Variants in TMEM204 observed in about 807,000 individuals in gnomAD.
The protein encoded by TMEM204 is transmembrane protein 204.
TMEM204 carries 15 observed loss-of-function variants against 19.4 expected under a neutral mutation model. The observed-to-expected ratio is 0.77, with a 90% CI of 0.52 to 1.19. TMEM204 has a LOEUF of 1.19. Among genes scored for constraint, TMEM204 ranks in the 50% most tolerant of loss-of-function variants. TMEM204 has a pLI of 0.00. For missense variants in TMEM204, 287 were observed against 321.2 expected, an observed-to-expected ratio of 0.89 and a Z score of 0.81; for synonymous variants, 161 against 146.0, an observed-to-expected ratio of 1.10 and a Z score of -0.74.
chr16:1,533,058 G>T (rs4787283), upstream of TMEM204: 4,684 of 152,562 alleles, frequency 0.031, 117 homozygotes, highest in Admixed American at 0.069. This position sits in a 1 kb window ranked among gnomAD's most constrained non-coding sequence, Gnocchi z 4.7. Flanking sequence ...GGTCCTCCAA[G>T]TACAGGTCCC....
chr16:1,542,850 G>A lies in TMEM204; in HGVS notation c.436+774G>A, dbSNP rs3784829. On this transcript the variant is annotated intron_variant, in intron 2 of 2. Coordinates refer to ENST00000566264, the MANE Select transcript of TMEM204 (RefSeq NM_024600.6). ...TTGGTGCTCAGAGCCTCCTCTCAAC[G>A]CTCTAGACCCAGCAACCTGGGACAG... 1.8e-4 allele frequency among the ~76,000 whole-genome samples: 27 copies of A among 152,376 alleles called. No individual in the cohort carries two copies. The East Asian group carries it at 4.8e-3, about 27-fold the overall frequency.
intron 2 of TMEM204, 124 bp from the exon 3 acceptor site, chr16:1,554,656 GCT>G: frequency 7.2e-7 from 1 of 1,395,650 alleles, no homozygotes; most frequent in Non-Finnish European, 9.7e-7. Context: ...GCTGGAACCC[GCT>G]CTAGGACAGA....
upstream of TMEM204, chr16:1,531,003 C>G (rs1222041231): frequency 6.6e-6 from 1 of 152,232 alleles, no homozygotes; most frequent in African/African-American, 2.4e-5. The surrounding 1 kb of genome is among the most constrained non-coding windows in gnomAD (Gnocchi z 4.7). Flanking sequence ...CCAGAAGCGT[C>G]CAGACCCAGG....
At position 1,555,461 on chromosome 16, in the gene TMEM204, T is replaced by C. The variant is rs953925456; in HGVS notation, c.*435T>C. 1 of 182,276 alleles carries C rather than the reference T, an allele frequency of 5.5e-6. No homozygotes were observed. The highest frequency in any genetic ancestry group is 1.2e-5 in the Non-Finnish European group (1 of 86,610). The allele number at this position is 182,276 out of a possible 1,614,324, so 11.3% of individuals were successfully genotyped here. On this transcript the variant is annotated 3_prime_UTR_variant, in exon 3 of 3. Transcript: ENST00000566264. ...TTCTTAAAATATCCACAATATTCCT[T>C]GAGTGAGTCAGAATCTATAGCCGGT...
At chr16:1,529,010 T>C (rs2064291), upstream of TMEM204, among the ~76,000 whole-genome samples, 30,083 of 151,960 alleles carry the variant, frequency 0.2, 3,743 homozygotes, top group African/African-American at 0.34. Flanking sequence ...GCAGGCTCGG[T>C]GCACTTGTGT....
chr16:1,543,214 G>A (rs544224774), intron 2 of TMEM204, among the ~76,000 whole-genome samples: 9 of 152,384 alleles, frequency 5.9e-5, no homozygotes, highest in African/African-American at 1.7e-4. Context: ...CCTCGAGGCC[G>A]GTGCAGCGTT....
chr16:1,535,670 C>A (rs1031005166), intron 1 of TMEM204, among the ~76,000 whole-genome samples: 3 of 152,210 alleles, frequency 2.0e-5, no homozygotes, highest in Non-Finnish European at 4.4e-5. Flanking sequence ...ACTTCACAGG[C>A]AAAGAAACTG....
At chr16:1,548,417 C>A (rs910931887) in intron 2 of TMEM204, among the ~76,000 whole-genome samples, 1 of 152,342 alleles carries the variant, frequency 6.6e-6, no homozygotes, top group East Asian at 1.9e-4. Flanking sequence ...GCTGGCTGGG[C>A]TGCAGAGCTG....
intron 2 of TMEM204, among the ~76,000 whole-genome samples, chr16:1,549,155 C>T (rs943376060): frequency 2.0e-5 from 3 of 152,244 alleles, no homozygotes; most frequent in Non-Finnish European, 4.4e-5. Context: ...CGTCCGAGGG[C>T]GCTGTCCTAA....
rs546701582 is a variant in TMEM204 at position 1,553,342 on chromosome 16, C to T, written c.437-1440C>T. On this transcript the variant is annotated intron_variant, in intron 2 of 2. Coordinates refer to ENST00000566264, the MANE Select transcript of TMEM204 (RefSeq NM_024600.6). This position sits in a 1 kb window ranked among gnomAD's most constrained non-coding sequence, Gnocchi z 4.4. ...TGTCTCTGTCCCTGTGTCTCTTTTT[C>T]TCCCATCCTCTCTCGATGCTGGGGC... 1.0e-6 allele frequency: 1 copy of T among 985,406 alleles called. No homozygotes were observed. Among genetic ancestry groups the T allele is most frequent in the Admixed American group, 6.1e-5 (1 of 16,284 alleles). The allele number at this position is 985,406 out of a possible 1,614,324, so 61.0% of individuals were successfully genotyped here.
At chr16:1,539,451 C>T (rs1427199919) in intron 1 of TMEM204, among the ~76,000 whole-genome samples, 1 of 152,272 alleles carries the variant, frequency 6.6e-6, no homozygotes, top group Non-Finnish European at 1.5e-5. Context: ...GCCCCTTCCT[C>T]CAAGCACTCT....
rs1432237870 is a variant in TMEM204, at chr16:1,553,794, G to A, written c.437-988G>A. The A allele has an allele frequency of 1.7e-6, 2 of 1,197,674 alleles. No individual in the cohort carries two copies. Among genetic ancestry groups the A allele is most frequent in the African/African-American group, 3.2e-5 (2 of 62,714 alleles). The allele number at this position is 1,197,674 out of a possible 1,614,324, so 74.2% of individuals were successfully genotyped here. On this transcript the variant is annotated intron_variant, in intron 2 of 2. Coordinates refer to ENST00000566264, the MANE Select transcript of TMEM204 (RefSeq NM_024600.6). The surrounding 1 kb of genome is among the most constrained non-coding windows in gnomAD (Gnocchi z 4.4). ...TGGACAGCCTCTCCTCCATCCTAGA[G>A]CCTATGTTTCCAGCTGGATTAGGAC... is the stretch of plus-strand genomic sequence containing the variant.
chr16:1,528,716 G>A (rs2030099895), upstream of TMEM204: 1 of 153,090 alleles, frequency 6.5e-6, no homozygotes, highest in Admixed American at 6.5e-5. Context: ...CAGCCCTGCA[G>A]CCTCCCCGCT....
chr16:1,549,253 G>A (rs1210493567), intron 2 of TMEM204, among the ~76,000 whole-genome samples: 1 of 152,208 alleles, frequency 6.6e-6, no homozygotes, highest in African/African-American at 2.4e-5. Flanking sequence ...CAGAAGTCAC[G>A]TAAATGCAAA....
chr16:1,548,550 G>A (rs2032365933), intron 2 of TMEM204, among the ~76,000 whole-genome samples: 2 of 152,302 alleles, frequency 1.3e-5, no homozygotes, highest in South Asian at 2.1e-4. Flanking sequence ...CCTTACATTT[G>A]TTTCTAGACA....
Position 1,555,048 on chromosome 16 carries a change from T to A in TMEM204, c.*22T>A. ...CTGAGTCGCCCTTCTCAGCGCTCCA[T>A]CAACGCACACCTGCTATCGTGGAAC... On this transcript the variant is annotated 3_prime_UTR_variant, in exon 3 of 3. Transcript: ENST00000566264. 6.3e-7 allele frequency: 1 copy of A among 1,595,074 alleles called. No homozygotes were observed. The highest frequency in any genetic ancestry group is 8.5e-7 in the Non-Finnish European group (1 of 1,170,954).
At chr16:1,548,609 G>T (rs1312172032) in intron 2 of TMEM204, among the ~76,000 whole-genome samples, 3 of 152,216 alleles carry the variant, frequency 2.0e-5, no homozygotes. Context: ...TCAGGAAACA[G>T]GACAATGAGG....
chr16:1,530,042 C>A (rs186994542), upstream of TMEM204, among the ~76,000 whole-genome samples: 218 of 150,824 alleles, frequency 1.4e-3, 1 homozygote, highest in African/African-American at 4.9e-3. Flanking sequence ...GGCCTCAGTG[C>A]GTGAGGCGTG....
At position 1,551,767 on chromosome 16, in the gene TMEM204, G is replaced by T. The variant is rs2032658663; in HGVS notation, c.437-3015G>T. ...ATACAAAGGAGGCCACACCACACGT[G>T]CGTGGTCCGGCAGATCCGGCAAGAT... On this transcript the variant is annotated intron_variant, in intron 2 of 2. Coordinates refer to ENST00000566264, the MANE Select transcript of TMEM204 (RefSeq NM_024600.6). This position sits in a 1 kb window ranked among gnomAD's most constrained non-coding sequence, Gnocchi z 4.0. Among the ~76,000 whole-genome samples, 1 of 152,202 alleles carries T rather than the reference G, an allele frequency of 6.6e-6. No homozygotes were observed. Among genetic ancestry groups the T allele is most frequent in the African/African-American group, 2.4e-5 (1 of 41,448 alleles).
Sources: allele counts gnomAD v4.1 joint callset (sites outside exome capture counted in the v4.1 genomes callset), GRCh38; gene constraint gnomAD v4.1.1; non-coding constraint Gnocchi (gnomAD v3.1); transcripts MANE v1.5; gene names NCBI Gene and HGNC (gene_info 2026-07-23, HGNC 2026-07-21).